Variants in PRKDC observed in about 807,000 individuals in gnomAD.
PRKDC encodes the protein DNA-dependent protein kinase catalytic subunit.
A neutral mutation model predicts 486.9 loss-of-function variants in PRKDC; 82 were observed. The observed-to-expected ratio is 0.17, with a 90% CI of 0.14 to 0.20. PRKDC has a LOEUF of 0.20. Among genes scored for constraint, PRKDC ranks in the 10% least tolerant of loss-of-function variants. The pLI is 1.00. For synonymous variants in PRKDC, 1,895 were observed against 1,837.0 expected (o/e 1.03, Z -0.81); for missense variants, 4,504 against 5,038.2 (o/e 0.89, Z 3.21).
chr8:47,863,971 T>G (rs758596162), intron 41 of PRKDC, among the ~76,000 whole-genome samples: 1 of 152,200 alleles, frequency 6.6e-6, no homozygotes, highest in Non-Finnish European at 1.5e-5. Context: ...GAGTGATACA[T>G]CCTGCCCTCG....
At position 47,904,820 on chromosome 8, in the gene PRKDC, ATACAACTAATCGAT is replaced by A. The variant is rs777164962; in HGVS notation, c.3042+35_3042+48del. The A allele has an allele frequency of 7.6e-6, 10 of 1,323,928 alleles. No individual in the cohort carries two copies. The African/African-American group carries it at 1.3e-4, about 18-fold the overall frequency. The allele number at this position is 1,323,928 out of a possible 1,614,324, so 82.0% of individuals were successfully genotyped here. On this transcript the variant is annotated intron_variant, in intron 26 of 85. Coordinates refer to ENST00000314191, the MANE Select transcript of PRKDC (RefSeq NM_006904.7). ...ACATAAATAAATAAACAAACATCAAATACAACTAATCGATGGGAGTAAGAGGAAAAGAATCAACT... is the reference window on the plus strand; with the variant it reads ...ACATAAATAAATAAACAAACATCAAAGGGAGTAAGAGGAAAAGAATCAACT...
chr8:47,813,527 G>A (rs997841189), intron 68 of PRKDC, among the ~76,000 whole-genome samples: 4 of 152,058 alleles, frequency 2.6e-5, no homozygotes, highest in Admixed American at 6.6e-5. Context: ...GGTTTCACTG[G>A]TAAATCCTAT....
At chr8:47,881,111 A>C (rs74924757) in intron 38 of PRKDC, among the ~76,000 whole-genome samples, 5 of 151,720 alleles carry the variant, frequency 3.3e-5, no homozygotes, top group African/African-American at 7.3e-5. Flanking sequence ...AGCAAGAAAG[A>C]AAGAAATGTT....
chr8:47,805,606 T>A (rs2087201302), intron 69 of PRKDC, among the ~76,000 whole-genome samples: 1 of 152,236 alleles, frequency 6.6e-6, no homozygotes, highest in African/African-American at 2.4e-5. Flanking sequence ...TTCTTCAGCT[T>A]CTCAGGTAAG....
At chr8:47,895,209 GA>G (rs1209261802) in intron 30 of PRKDC, among the ~76,000 whole-genome samples, 3 of 151,846 alleles carry the variant, frequency 2.0e-5, no homozygotes, top group East Asian at 3.9e-4. Context: ...AACTGAAAAG[GA>G]AAAAAATAAA....
At position 47,902,758 on chromosome 8, in the gene PRKDC, T is replaced by C. The variant is rs751033972; in HGVS notation, c.3080A>G (p.Asp1027Gly). The C allele has an allele frequency of 5.0e-6, 8 of 1,613,328 alleles. No homozygotes were observed. Among genetic ancestry groups the C allele is most frequent in the Non-Finnish European group, 5.9e-6 (7 of 1,179,694 alleles). Residue 1027 changes from aspartate (D) to glycine (G), a missense_variant, in exon 27 of 86, where the codon GAT becomes GGT. Asp to Gly is a moderately conservative substitution (Grantham distance 94). Around this residue, in one of 6 missense-constraint regions of PRKDC, gnomAD observed 1,969 missense variants for 2,068.9 expected, o/e 0.95. Transcript: ENST00000314191. ...TTCTCGAATACACCGACCACAAAAA[T>C]CTCTTAAAGTACTGTCAACAGGGTC... ...IVDPVDSTLR[D>G]FCGRCIREFL... is the part of the protein sequence containing the mutation.
Position 47,881,508 on chromosome 8 carries a change from C to A in PRKDC, c.4975G>T (p.Val1659Leu). Residue 1659 changes from valine (V) to leucine (L), a missense_variant, in exon 38 of 86, where the codon GTA becomes TTA. This residue lies in a region of PRKDC where 1,969 missense variants were observed against 2,068.9 expected (regional missense o/e 0.95). Transcript: ENST00000314191. Reference protein sequence around the residue: ...LAKILQIDSSVSFNTSHGSFP... With the variant: ...LAKILQIDSSLSFNTSHGSFP... Reference sequence around the variant, plus strand: ...GAACCATGACTTGTATTAAAAGATACAGATGAATCAATCTAAAGGAAGGAA... The same window carrying A: ...GAACCATGACTTGTATTAAAAGATAAAGATGAATCAATCTAAAGGAAGGAA... 1 of 1,508,258 alleles carries A rather than the reference C, an allele frequency of 6.6e-7. No homozygotes were observed. Among genetic ancestry groups the A allele is most frequent in the Admixed American group, 1.9e-5 (1 of 52,102 alleles). 93.4% of individuals were successfully genotyped at this position (1,508,258 alleles called of 1,614,324 possible). A position where few individuals can be genotyped will look rare whatever the true frequency, so the allele number is the denominator to read the frequency against.
At chr8:47,858,196 CTTTT>C (rs1041282200) in intron 48 of PRKDC, among the ~76,000 whole-genome samples, 1 of 148,360 alleles carries the variant, frequency 6.7e-6, no homozygotes, top group Non-Finnish European at 1.5e-5. Context: ...CCACCCCCCG[CTTTT>C]TTTTTTCCTA....
intron 21 of PRKDC, among the ~76,000 whole-genome samples, chr8:47,921,029 G>A (rs775031119): frequency 7.9e-5 from 12 of 152,044 alleles, no homozygotes; most frequent in East Asian, 5.8e-4. Context: ...CGAGGGGGGC[G>A]GATCACGAGG....
intron 54 of PRKDC, among the ~76,000 whole-genome samples, chr8:47,843,121 C>T (rs1197515632): frequency 1.3e-5 from 2 of 152,124 alleles, no homozygotes; most frequent in Non-Finnish European, 2.9e-5. Context: ...TAAGTCACGG[C>T]CACAACCACT....
chr8:47,790,987 T>C (rs1282574919), intron 74 of PRKDC, among the ~76,000 whole-genome samples: 1 of 152,062 alleles, frequency 6.6e-6, no homozygotes, highest in African/African-American at 2.4e-5. Flanking sequence ...CAGGAAACTC[T>C]CCAGGACACT....
At chr8:47,888,389 G>A (rs540430234) in intron 34 of PRKDC, 129 bp downstream of exon 34, 3 of 729,660 alleles carry the variant, frequency 4.1e-6, no homozygotes, top group Admixed American at 3.7e-5. Context: ...CATGTCTTGA[G>A]CAAGTATTTC....
chr8:47,832,399 A>T (rs1371414335), intron 59 of PRKDC, among the ~76,000 whole-genome samples: 1 of 152,248 alleles, frequency 6.6e-6, no homozygotes, highest in Non-Finnish European at 1.5e-5. Flanking sequence ...ACAGGTTCTA[A>T]GGAAAGTTTC....
chr8:47,957,063 G>A (rs1195726203), intron 3 of PRKDC, 108 bp downstream of exon 3: 30 of 655,482 alleles, frequency 4.6e-5, no homozygotes, highest in Non-Finnish European at 6.4e-5. Context: ...ATTCCCCAAT[G>A]AGAAAGGAAA....
Position 47,881,025 on chromosome 8 carries a change from T to C in PRKDC, c.5067+391A>G, listed in dbSNP as rs8178109. On this transcript the variant is annotated intron_variant, in intron 38 of 85. Transcript: ENST00000314191. ...TTGTGCCACTGTACTTCAGCCTGGG[T>C]GACAGAGCGAGACTGTCTAAAAAAA... Among the ~76,000 whole-genome samples, 586 of 140,342 alleles carry C rather than the reference T, an allele frequency of 4.2e-3. 4 individuals carry two copies. Among genetic ancestry groups the C allele is most frequent in the South Asian group, 0.025 (115 of 4,608 alleles). 92.1% of individuals were successfully genotyped at this position (140,342 alleles called of 152,430 possible). A position where few individuals can be genotyped will look rare whatever the true frequency, so the allele number is the denominator to read the frequency against.
In PRKDC at chr8:47,859,757, C is replaced by A. The variant is rs541975682; in HGVS notation, c.6061G>T (p.Gly2021Cys). 1 of 1,607,656 alleles carries A rather than the reference C, an allele frequency of 6.2e-7. No individual in the cohort carries two copies. The highest frequency in any genetic ancestry group is 1.7e-5 in the Admixed American group (1 of 59,560). Reference protein sequence around the residue: ...AREAANGDSDGPSYMSSLSYL... With the variant: ...AREAANGDSDCPSYMSSLSYL... ...GACAGGGAAGACATATAGGAAGGAC[C>A]ATCTGAAATATAAAAAAGGAGAAAA... The change falls in exon 46 of 86, where the codon GGT becomes TGT. Residue 2021 changes from glycine to cysteine, a missense_variant and splice_region_variant. Coordinates refer to ENST00000314191, the MANE Select transcript of PRKDC (RefSeq NM_006904.7).
intron 40 of PRKDC, among the ~76,000 whole-genome samples, chr8:47,865,505 T>G (rs2088788329): frequency 6.6e-6 from 1 of 152,212 alleles, no homozygotes; most frequent in African/African-American, 2.4e-5. Flanking sequence ...TTTTCTCACC[T>G]GAAAATAATA....
chr8:47,775,307 G>A (rs1430007649), intron 85 of PRKDC, among the ~76,000 whole-genome samples: 2 of 150,512 alleles, frequency 1.3e-5, no homozygotes, highest in African/African-American at 2.5e-5. Flanking sequence ...TTTGCATGCC[G>A]CTTATTGGCC....
intron 11 of PRKDC, 75 bp downstream of exon 11, chr8:47,939,475 CA>C: frequency 6.7e-7 from 1 of 1,502,724 alleles, no homozygotes; most frequent in Non-Finnish European, 9.2e-7. Flanking sequence ...AGACACTATT[CA>C]AAATGCAATG....
Sources: allele counts gnomAD v4.1 joint callset (sites outside exome capture counted in the v4.1 genomes callset), GRCh38; gene constraint gnomAD v4.1.1; regional missense constraint gnomAD v4.1.1; transcripts MANE v1.5; gene names NCBI Gene and HGNC (gene_info 2026-07-23, HGNC 2026-07-21).